Variants in METTL25 observed in about 807,000 individuals in gnomAD.
METTL25 encodes the protein probable methyltransferase-like protein 25.
A neutral mutation model predicts 71.6 loss-of-function variants in METTL25; 64 were observed. That is an observed-to-expected ratio of 0.89 (90% CI 0.73 to 1.10). The LOEUF (loss-of-function observed/expected upper bound fraction) is 1.10. METTL25 is among the 50% of genes least tolerant of loss of function. The probability of loss-of-function intolerance (pLI) is 0.00; values close to 1 mark genes in which losing one functional copy is unlikely to be tolerated. For synonymous variants in METTL25, 287 were observed against 250.3 expected (o/e 1.15, Z -1.38); for missense variants, 807 against 707.0 (o/e 1.14, Z -1.60).
At chr12:82,388,717 A>G (rs999585010) in intron 2 of METTL25, 1 of 152,164 alleles carries the variant, frequency 6.6e-6, no homozygotes, top group Non-Finnish European at 1.5e-5. Context: ...TGACTTAGCC[A>G]TGTAGAGAGA....
At chr12:82,383,884 A>G (rs1405212996) in intron 1 of METTL25, among the ~76,000 whole-genome samples, 1 of 152,090 alleles carries the variant, frequency 6.6e-6, no homozygotes, top group Non-Finnish European at 1.5e-5. Flanking sequence ...ATAAACTGAG[A>G]TATATCCTGG....
In METTL25 at chr12:82,358,590, G is replaced by T. The variant is rs994506032; in HGVS notation, c.25G>T (p.Val9Leu). Residue 9 changes from valine to leucine, a missense_variant, in exon 1 of 12, where the codon GTG (valine) becomes TTG (leucine). Val to Leu is a conservative substitution (Grantham distance 32). Coordinates refer to ENST00000248306, the MANE Select transcript of METTL25 (RefSeq NM_032230.3). ...CATGGCGGCTTCTTGCCCTCTCCCGGTGACCCCGGACCTGCCCACGCTGCG... is the reference window on the plus strand; with the variant it reads ...CATGGCGGCTTCTTGCCCTCTCCCGTTGACCCCGGACCTGCCCACGCTGCG... MAASCPLP[V>L]TPDLPTLRAK... 5 of 1,612,406 alleles carry T rather than the reference G, an allele frequency of 3.1e-6. No individual in the cohort carries two copies. Among genetic ancestry groups the T allele is most frequent in the Non-Finnish European group, 4.2e-6 (5 of 1,179,960 alleles).
At chr12:82,402,892 A>G in intron 4 of METTL25, 91 bp from the exon 5 acceptor site, 2 of 947,040 alleles carry the variant, frequency 2.1e-6, no homozygotes, top group South Asian at 1.8e-5. Flanking sequence ...CCTGGGCAAC[A>G]TTGCAAGATC....
intron 1 of METTL25, among the ~76,000 whole-genome samples, chr12:82,377,990 G>C (rs976338813): frequency 6.6e-6 from 1 of 152,062 alleles, no homozygotes; most frequent in Non-Finnish European, 1.5e-5. Flanking sequence ...GATTTAGGCC[G>C]ACACTTGTGC....
At chr12:82,418,313 T>C (rs1469693335) in intron 5 of METTL25, among the ~76,000 whole-genome samples, 3 of 152,146 alleles carry the variant, frequency 2.0e-5, no homozygotes, top group East Asian at 3.9e-4. Context: ...TTTTGATAAA[T>C]ATATTGTACA....
chr12:82,443,991 GA>G (rs977798385), intron 8 of METTL25, among the ~76,000 whole-genome samples: 10 of 152,226 alleles, frequency 6.6e-5, no homozygotes, highest in Non-Finnish European at 1.5e-4. Context: ...AAATGGAGTT[GA>G]AAAAGTGCAG....
At position 82,479,202 on chromosome 12, in the gene METTL25, A is replaced by T. The variant is rs1034632968; in HGVS notation, c.*178A>T. The T allele has an allele frequency of 1.2e-5, 6 of 503,726 alleles. No homozygotes were observed. The highest frequency in any genetic ancestry group is 1.1e-4 in the African/African-American group (6 of 52,372). 31.2% of individuals were successfully genotyped at this position (503,726 alleles called of 1,614,324 possible). ...ATCCATTTTTCCATTGTCAAAGCAT[A>T]CATTAATAAAAGAAGAACCTGTCAT... On this transcript the variant is annotated 3_prime_UTR_variant, in exon 12 of 12. Transcript: ENST00000248306.
At chr12:82,387,479 G>A (rs2136948215) in intron 2 of METTL25, among the ~76,000 whole-genome samples, 1 of 151,728 alleles carries the variant, frequency 6.6e-6, no homozygotes, top group Non-Finnish European at 1.5e-5. Flanking sequence ...CAATTAAAAG[G>A]CAGAGATCAG....
At chr12:82,461,766 C>T (rs1422381699) in intron 9 of METTL25, among the ~76,000 whole-genome samples, 2 of 152,010 alleles carry the variant, frequency 1.3e-5, no homozygotes, top group African/African-American at 4.8e-5. Context: ...TTGCTTGTAT[C>T]CAGGACTTTA....
intron 5 of METTL25, among the ~76,000 whole-genome samples, chr12:82,428,337 C>G (rs1047226420): frequency 2.0e-5 from 3 of 151,786 alleles, no homozygotes; most frequent in African/African-American, 7.3e-5. Context: ...GGAGGAGTAG[C>G]TGTTTTATTG....
intron 1 of METTL25, among the ~76,000 whole-genome samples, chr12:82,379,525 T>G (rs12099999): frequency 0.01 from 1,543 of 152,238 alleles, 19 homozygotes; most frequent in African/African-American, 0.036. Flanking sequence ...GTATCTGTTG[T>G]TTTTTGTTAT....
intron 8 of METTL25, among the ~76,000 whole-genome samples, chr12:82,449,416 G>A (rs191712825): frequency 6.6e-5 from 10 of 152,162 alleles, no homozygotes; most frequent in East Asian, 1.9e-4. Context: ...CATGCACACC[G>A]TCCTGGCACG....
chr12:82,405,225 C>G (rs917225962), intron 5 of METTL25, among the ~76,000 whole-genome samples: 10 of 152,158 alleles, frequency 6.6e-5, no homozygotes, highest in African/African-American at 1.9e-4. Flanking sequence ...GTAGTCTACT[C>G]TCTCTCACAC....
intron 5 of METTL25, 129 bp from the exon 6 acceptor site, chr12:82,430,764 C>T (rs1889415813): frequency 1.9e-6 from 1 of 534,152 alleles, no homozygotes; most frequent in Non-Finnish European, 3.4e-6. Flanking sequence ...TGTTAAACAT[C>T]ACCATTTCCA....
chr12:82,470,893 A>G (rs1458580862), intron 9 of METTL25, among the ~76,000 whole-genome samples: 2 of 152,224 alleles, frequency 1.3e-5, no homozygotes, highest in African/African-American at 4.8e-5. Context: ...ACATTTCTAC[A>G]TGAACAGTTA....
chr12:82,358,529 A>C lies in METTL25; in HGVS notation c.-37A>C, dbSNP rs768466364. 6.2e-7 allele frequency: 1 copy of C among 1,601,506 alleles called. No individual in the cohort carries two copies. The highest frequency in any genetic ancestry group is 8.5e-7 in the Non-Finnish European group (1 of 1,175,838). ...TGGGCCGAGCTGGCGCCTCACGGCC[A>C]TGTTTGCGCCACCTACAGCCTCGGA... On this transcript the variant is annotated 5_prime_UTR_variant, in exon 1 of 12. The change abolishes an upstream ATG in the 5' untranslated region. Coordinates refer to ENST00000248306, the MANE Select transcript of METTL25 (RefSeq NM_032230.3).
intron 7 of METTL25, among the ~76,000 whole-genome samples, chr12:82,437,498 T>G (rs1279106917): frequency 6.6e-6 from 1 of 151,604 alleles, no homozygotes; most frequent in East Asian, 1.9e-4. Context: ...CTCACAACTT[T>G]TAGTTTTTGT....
At chr12:82,436,440 T>G (rs932375228) in intron 7 of METTL25, among the ~76,000 whole-genome samples, 1 of 151,720 alleles carries the variant, frequency 6.6e-6, no homozygotes, top group South Asian at 2.1e-4. Context: ...AGGCACAGAC[T>G]GTTCAGGAGA....
At chr12:82,399,471 A>G (rs1222061701) in intron 4 of METTL25, 77 bp downstream of exon 4, 2 of 1,108,996 alleles carry the variant, frequency 1.8e-6, no homozygotes, top group African/African-American at 1.6e-5. Flanking sequence ...TACTTAACAT[A>G]CATATCTTAC....
Sources: gnomAD v4.1 joint callset for allele counts (sites outside exome capture counted in the v4.1 genomes callset) on GRCh38, gnomAD v4.1.1 for gene constraint, MANE v1.5 for transcripts, NCBI Gene and HGNC (gene_info 2026-07-23, HGNC 2026-07-21) for gene names.